The following ERBB4 variants were observed in gnomAD, a reference collection of about 807,000 sequenced individuals.
The protein encoded by ERBB4 is receptor tyrosine-protein kinase erbB-4.
ERBB4 carries 42 observed loss-of-function variants against 158.0 expected under a neutral mutation model. The observed-to-expected ratio is 0.27, with a 90% CI of 0.21 to 0.34. The LOEUF (loss-of-function observed/expected upper bound fraction) is 0.34, where lower values mean the gene tolerates loss of function less well. Ranked by LOEUF, ERBB4 falls within the 10% of genes least tolerant of loss-of-function variation. The pLI, the probability that ERBB4 is intolerant of heterozygous loss-of-function variation, is 1.00. For missense variants in ERBB4, 1,333 were observed against 1,624.1 expected (o/e 0.82, Z 3.08); for synonymous variants, 583 against 558.7 (o/e 1.04, Z -0.61).
chr2:211,837,863 C>T (rs1359044689), intron 3 of ERBB4, among the ~76,000 whole-genome samples: 8 of 151,948 alleles, frequency 5.3e-5, no homozygotes, highest in Admixed American at 5.3e-4. Context: ...TGAGACAATG[C>T]AGTTATAGAG....
chr2:211,709,252 CACAT>C (rs1355963041), intron 9 of ERBB4, among the ~76,000 whole-genome samples: 1 of 70,312 alleles, frequency 1.4e-5, no homozygotes, highest in Non-Finnish European at 2.6e-5. Flanking sequence ...TATATATATA[CACAT>C]ATATATATAT....
chr2:212,493,628 T>C (rs570330401), intron 1 of ERBB4, among the ~76,000 whole-genome samples: 2 of 151,734 alleles, frequency 1.3e-5, no homozygotes, highest in Admixed American at 6.6e-5. Flanking sequence ...TTATGTTCTT[T>C]GAATTTAGTC....
At chr2:211,975,849 C>T (rs984413914) in intron 2 of ERBB4, among the ~76,000 whole-genome samples, 2 of 152,084 alleles carry the variant, frequency 1.3e-5, no homozygotes, top group Admixed American at 1.3e-4. Context: ...TTTTAAAATA[C>T]ATTATTTTCA....
intron 1 of ERBB4, among the ~76,000 whole-genome samples, chr2:212,260,070 GAA>G (rs750606432): frequency 1.8e-5 from 1 of 56,932 alleles, no homozygotes; most frequent in Non-Finnish European, 3.5e-5. Flanking sequence ...CTCTGTCTCA[GAA>G]AAAAAAAAAA....
chr2:212,281,732 G>A (rs1270119527), intron 1 of ERBB4, among the ~76,000 whole-genome samples: 1 of 151,726 alleles, frequency 6.6e-6, no homozygotes, highest in African/African-American at 2.4e-5. Flanking sequence ...GCTTAAATTA[G>A]TATATTATTT....
At chr2:212,515,955 T>C (rs1691816568) in intron 1 of ERBB4, among the ~76,000 whole-genome samples, 1 of 151,960 alleles carries the variant, frequency 6.6e-6, no homozygotes. Flanking sequence ...AAGGACAACA[T>C]TAAAGGAAGT....
intron 3 of ERBB4, among the ~76,000 whole-genome samples, chr2:211,926,804 C>G (rs887444255): frequency 1.3e-5 from 2 of 152,116 alleles, no homozygotes; most frequent in Non-Finnish European, 2.9e-5. Flanking sequence ...CTTATGTCAT[C>G]ATCCAGCCTG....
At chr2:211,777,587 C>T (rs2075914200) in intron 4 of ERBB4, 1 of 152,138 alleles carries the variant, frequency 6.6e-6, no homozygotes, top group South Asian at 2.1e-4. Flanking sequence ...GGTTTACCCC[C>T]ATTACAGGGT....
Position 211,513,377 on chromosome 2 carries a change from C to CAAAAAAAAA in ERBB4, c.2487+48517_2487+48525dup, listed in dbSNP as rs1167274491. Among the ~76,000 whole-genome samples, 541 of 55,736 alleles carry CAAAAAAAAA rather than the reference C, an allele frequency of 9.7e-3. 17 individuals are homozygous for CAAAAAAAAA. Among genetic ancestry groups the CAAAAAAAAA allele is most frequent in the African/African-American group, 0.025 (505 of 20,180 alleles). 36.6% of individuals were successfully genotyped at this position (55,736 alleles called of 152,430 possible). On this transcript the variant is annotated intron_variant, in intron 20 of 27. Transcript: ENST00000342788. The stretch of plus-strand genomic sequence containing the variant: ...CGTCTCAAAAAAAAAAAAAAAAAAA[C>CAAAAAAAAA]AAAAAAAAAACACTGATCCTAGAAG...
intron 19 of ERBB4, among the ~76,000 whole-genome samples, chr2:211,584,853 CTAATG>C (rs1045167745): frequency 1.3e-5 from 2 of 151,490 alleles, no homozygotes; most frequent in African/African-American, 4.8e-5. Context: ...TTTCTTCCTC[CTAATG>C]TAATATATAC....
chr2:211,954,864 T>C (rs923225989), intron 2 of ERBB4, among the ~76,000 whole-genome samples: 1 of 152,082 alleles, frequency 6.6e-6, no homozygotes, highest in Non-Finnish European at 1.5e-5. Context: ...TGACATAGCA[T>C]GAAAAAGTTT....
intron 2 of ERBB4, among the ~76,000 whole-genome samples, chr2:212,010,140 G>C (rs141384363): frequency 6.6e-6 from 1 of 152,094 alleles, no homozygotes; most frequent in Non-Finnish European, 1.5e-5. Context: ...CCTCCTTGTT[G>C]CTCGTGGAGC....
rs529916202 is a variant in ERBB4 at position 211,663,473 on chromosome 2, G to C, written c.1871+1850C>G. ...TTCACTTGGAGTTCCCAAATGCTCT[G>C]GTGAGATTTCTTCCCCATTACACCT... On this transcript the variant is annotated intron_variant, in intron 15 of 27. Coordinates refer to ENST00000342788, the MANE Select transcript of ERBB4 (RefSeq NM_005235.3). 2.0e-5 allele frequency among the ~76,000 whole-genome samples: 3 copies of C among 152,178 alleles called. No homozygotes were observed. The South Asian group carries it at 6.2e-4, about 32-fold the overall frequency.
rs780689946 is a variant in ERBB4 at position 211,619,197 on chromosome 2, C to T, written c.2281G>A (p.Ala761Thr). The change falls in exon 19 of 28, where the codon GCA becomes ACA. Residue 761 changes from alanine (A) to threonine (T), a missense_variant. By Grantham distance (58) the Ala-to-Thr change is moderately conservative. Around this residue, in one of 5 missense-constraint regions of ERBB4, gnomAD observed 314 missense variants for 437.6 expected, o/e 0.72. Transcript: ENST00000342788. ...CTTACATCCATGAACTCCACATTTG[C>T]CTTGGGACCAGTTGTCTCATTAAGA... ...KILNETTGPK[A>T]NVEFMDEALI... The T allele has an allele frequency of 2.7e-5, 44 of 1,607,996 alleles. 1 individual carries two copies. The South Asian group carries it at 4.4e-4, about 16-fold the overall frequency.
At chr2:212,059,098 G>C (rs532360738) in intron 2 of ERBB4, among the ~76,000 whole-genome samples, 4 of 152,130 alleles carry the variant, frequency 2.6e-5, no homozygotes, top group South Asian at 4.1e-4. Context: ...CAAAGTCTCA[G>C]GATACAAAAT....
At chr2:212,409,715 AGTT>A (rs1167054593) in intron 1 of ERBB4, among the ~76,000 whole-genome samples, 1 of 152,100 alleles carries the variant, frequency 6.6e-6, no homozygotes, top group Non-Finnish European at 1.5e-5. Flanking sequence ...TTGCAGAATG[AGTT>A]GTTGTCTCCA....
At chr2:212,284,988 GAGAC>G (rs568327041) in intron 1 of ERBB4, among the ~76,000 whole-genome samples, 193 of 152,184 alleles carry the variant, frequency 1.3e-3, no homozygotes, top group African/African-American at 4.6e-3. Context: ...ATGGGCATCA[GAGAC>G]AGACAGGTTT....
chr2:212,397,972 T>C (rs1374977960), intron 1 of ERBB4, among the ~76,000 whole-genome samples: 1 of 152,046 alleles, frequency 6.6e-6, no homozygotes, highest in African/African-American at 2.4e-5. Context: ...ATTTCAAAAG[T>C]GTCATTTTTG....
intron 20 of ERBB4, among the ~76,000 whole-genome samples, chr2:211,462,787 TTA>T (rs1166020419): frequency 2.6e-5 from 4 of 152,206 alleles, no homozygotes; most frequent in Admixed American, 6.6e-5. Flanking sequence ...TCTACATGTT[TTA>T]TTTTAGCCTA....
Sources: gnomAD v4.1 joint callset for allele counts (sites outside exome capture counted in the v4.1 genomes callset) on GRCh38, gnomAD v4.1.1 for gene constraint, gnomAD v4.1.1 regional missense constraint, MANE v1.5 for transcripts, NCBI Gene and HGNC (gene_info 2026-07-23, HGNC 2026-07-21) for gene names.